The following MOB2 variants were observed in gnomAD, a reference collection of about 807,000 sequenced individuals.
MOB2 encodes the protein MOB kinase activator 2.
A neutral mutation model predicts 27.4 loss-of-function variants in MOB2; 14 were observed. The ratio of observed to expected loss-of-function variants is 0.51; its 90% CI spans 0.34 to 0.80. MOB2 has a LOEUF of 0.80. MOB2 is among the 30% of genes least tolerant of loss of function. The pLI is 0.01. For missense variants in MOB2, 304 were observed against 354.6 expected, an observed-to-expected ratio of 0.86 and a Z score of 1.15; for synonymous variants, 167 against 151.8, an observed-to-expected ratio of 1.10 and a Z score of -0.74.
chr11:1,481,605 T>C (rs1406402363), intron 1 of MOB2: 1 of 152,564 alleles, frequency 6.6e-6, no homozygotes, highest in African/African-American at 2.4e-5. Context: ...CAGGGAAATG[T>C]TTCCCTTTCA....
At chr11:1,481,465 G>A (rs116987758) in intron 1 of MOB2, 2,276 of 159,322 alleles carry the variant, frequency 0.014, 27 homozygotes, top group Non-Finnish European at 0.021. Flanking sequence ...GAGGCCACAG[G>A]GTGATGAGGA....
intron 1 of MOB2, 81 bp downstream of exon 1, chr11:1,486,366 C>T: frequency 8.8e-7 from 1 of 1,140,812 alleles, no homozygotes; most frequent in Non-Finnish European, 1.3e-6. Flanking sequence ...GCCTCCCCAC[C>T]CTGACCTCCT....
In MOB2 at chr11:1,470,328, A is replaced by G; in HGVS notation, c.651T>C (p.Ala217=). ...TGGGGTCCAGCAGGTTGAACTCCCG[A>G]GCAAAGAGGATGAAGTGGACGTAGA... ...NTLYVHFILF[A]REFNLLDPKE... Residue 217 remains alanine, a synonymous_variant, in exon 5 of 5, where the codon GCT becomes GCC. Coordinates refer to ENST00000329957, the MANE Select transcript of MOB2 (RefSeq NM_001172223.3). The G allele has an allele frequency of 3.7e-6, 6 of 1,613,434 alleles. No individual in the cohort carries two copies. Among genetic ancestry groups the G allele is most frequent in the Non-Finnish European group, 5.1e-6 (6 of 1,179,892 alleles).
intron 3 of MOB2, among the ~76,000 whole-genome samples, chr11:1,478,174 C>T (rs1847872750): frequency 2.8e-5 from 4 of 145,358 alleles, no homozygotes; most frequent in South Asian, 4.2e-4. Context: ...GCCCCACAGC[C>T]GCCACAGCCC....
intron 1 of MOB2, among the ~76,000 whole-genome samples, chr11:1,481,998 G>A (rs1847921006): frequency 1.3e-5 from 2 of 152,176 alleles, no homozygotes; most frequent in Admixed American, 6.5e-5. Context: ...GCCTGTGCCA[G>A]GCCATGCCCA....
chr11:1,478,004 A>G (rs907777635), intron 3 of MOB2, among the ~76,000 whole-genome samples: 42 of 152,024 alleles, frequency 2.8e-4, no homozygotes, highest in African/African-American at 9.9e-4. Flanking sequence ...ATTTAAATTT[A>G]CCTATTCTGA....
At position 1,479,736 on chromosome 11, in the gene MOB2, C is replaced by T. The variant is rs567687956; in HGVS notation, c.365+657G>A. ...CCTGACCTGTGTGCACTGACAACAA[C>T]GGGACATCAGGGAAAAGCTTCCGCC... On this transcript the variant is annotated intron_variant, in intron 3 of 4. Transcript: ENST00000329957. Among the ~76,000 whole-genome samples the T allele has an allele frequency of 3.0e-4, 46 of 152,336 alleles. No homozygotes were observed. The Middle Eastern group carries it at 0.01, about 34-fold the overall frequency.
chr11:1,478,737 C>T (rs1407578619), intron 3 of MOB2, among the ~76,000 whole-genome samples: 1 of 152,210 alleles, frequency 6.6e-6, no homozygotes, highest in Non-Finnish European at 1.5e-5. Flanking sequence ...GCCATTATTG[C>T]TGCAATGTGT....
At chr11:1,479,194 G>C (rs1847883624) in intron 3 of MOB2, among the ~76,000 whole-genome samples, 1 of 152,210 alleles carries the variant, frequency 6.6e-6, no homozygotes, top group Non-Finnish European at 1.5e-5. Flanking sequence ...AAGGGTGCCA[G>C]GCCCCGTCTG....
intron 3 of MOB2, 96 bp from the exon 4 acceptor site, chr11:1,471,515 C>T (rs143323641): frequency 1.3e-5 from 19 of 1,494,262 alleles, no homozygotes; most frequent in South Asian, 2.6e-5. Context: ...GCAGAGGTGG[C>T]GCCAGCAGCG....
intron 1 of MOB2, among the ~76,000 whole-genome samples, chr11:1,482,663 G>A (rs374294668): frequency 1.3e-5 from 2 of 152,198 alleles, no homozygotes; most frequent in East Asian, 1.9e-4. Flanking sequence ...AGGGCTGGCC[G>A]GGCCCCGGAG....
At chr11:1,472,048 T>TC (rs1403354027) in intron 3 of MOB2, 2 of 152,398 alleles carry the variant, frequency 1.3e-5, no homozygotes, top group African/African-American at 4.8e-5. Flanking sequence ...GGCTGGAGCA[T>TC]CCTAGGGACA....
intron 3 of MOB2, among the ~76,000 whole-genome samples, chr11:1,480,020 G>C (rs1194385618): frequency 1.3e-5 from 2 of 152,250 alleles, no homozygotes; most frequent in Non-Finnish European, 2.9e-5. Flanking sequence ...GAATGGCCGA[G>C]CAAGGACCTG....
At position 1,469,604 on chromosome 11, in the gene MOB2, TGGA is replaced by T. The variant is rs1231685694; in HGVS notation, c.*565_*567del. On this transcript the variant is annotated 3_prime_UTR_variant, in exon 5 of 5. Coordinates refer to ENST00000329957, the MANE Select transcript of MOB2 (RefSeq NM_001172223.3). The stretch of plus-strand genomic sequence containing the variant: ...CTGCACCATGGGTGTTCCTTGGGCA[TGGA>T]GGAGGCAGCAGGAAGGGGTGACAGG... The T allele has an allele frequency of 6.6e-6, 3 of 456,726 alleles. No individual in the cohort carries two copies. The highest frequency in any genetic ancestry group is 6.0e-5 in the African/African-American group (3 of 50,088). The allele number at this position is 456,726 out of a possible 1,614,324, so 28.3% of individuals were successfully genotyped here. A position where few individuals can be genotyped will look rare whatever the true frequency, so the allele number is the denominator to read the frequency against.
At chr11:1,473,675 TC>T (rs1847821521) in intron 3 of MOB2, among the ~76,000 whole-genome samples, 1 of 152,278 alleles carries the variant, frequency 6.6e-6, no homozygotes, top group Non-Finnish European at 1.5e-5. Flanking sequence ...CTGTGGATTG[TC>T]CCATCTGTTC....
Position 1,470,382 on chromosome 11 carries a change from G to A in MOB2, c.597C>T (p.Ala199=). 6.2e-7 allele frequency: 1 copy of A among 1,613,696 alleles called. No individual in the cohort carries two copies. Among genetic ancestry groups the A allele is most frequent in the South Asian group, 1.1e-5 (1 of 91,090 alleles). The change falls in exon 5 of 5, where the codon GCC becomes GCT. Residue 199 remains alanine (A), a synonymous_variant. Coordinates refer to ENST00000329957, the MANE Select transcript of MOB2 (RefSeq NM_001172223.3). ...TGTTCAAGTGTCCGTGCAGCTCCAG[G>A]GCCAGCGTCTCCTTGAAGTGGGCCC... ...IYWAHFKETL[A]LELHGHLNTL... is the part of the protein sequence containing the mutation.
rs745695403 is a variant in MOB2 at position 1,469,909 on chromosome 11, A to C, written c.*263T>G. The C allele has an allele frequency of 1.5e-5, 12 of 793,724 alleles. No individual in the cohort carries two copies. In the African/African-American group the frequency reaches 1.9e-4, roughly 12 times the overall value. 49.2% of individuals were successfully genotyped at this position (793,724 alleles called of 1,614,324 possible). ...AACCCCACAGAAGAAAACTCAAAGC[A>C]TCAGTCCCATGCGTGTCTGCTGAAC... is the stretch of plus-strand genomic sequence containing the variant. On this transcript the variant is annotated 3_prime_UTR_variant, in exon 5 of 5. Coordinates refer to ENST00000329957, the MANE Select transcript of MOB2 (RefSeq NM_001172223.3).
intron 1 of MOB2, chr11:1,481,669 G>T (rs1847914924): frequency 6.6e-6 from 1 of 152,080 alleles, no homozygotes; most frequent in African/African-American, 2.4e-5. Flanking sequence ...GCCTCTGGGG[G>T]CAGTGCTGGG....
chr11:1,477,100 A>G (rs1257755444), intron 3 of MOB2, among the ~76,000 whole-genome samples: 2 of 152,118 alleles, frequency 1.3e-5, no homozygotes, highest in Non-Finnish European at 2.9e-5. Context: ...GGGTGGGGTC[A>G]TCGGGCTCCG....
Sources: gnomAD v4.1 joint callset for allele counts (sites outside exome capture counted in the v4.1 genomes callset) on GRCh38, gnomAD v4.1.1 for gene constraint, MANE v1.5 for transcripts, NCBI Gene and HGNC (gene_info 2026-07-23, HGNC 2026-07-21) for gene names.